The following BMP7 variants were observed in gnomAD, a reference collection of about 807,000 sequenced individuals.
BMP7 encodes bone morphogenetic protein 7, also known as osteogenic protein 1.
In BMP7, 12 loss-of-function variants were observed where a neutral mutation model predicts 41.2. The observed-to-expected ratio is 0.29, with a 90% CI of 0.19 to 0.47. The LOEUF (loss-of-function observed/expected upper bound fraction) is 0.47, where lower values mean the gene tolerates loss of function less well. Among genes scored for constraint, BMP7 ranks in the 20% least tolerant of loss-of-function variants. The probability of loss-of-function intolerance (pLI) is 0.99; values close to 1 mark genes in which losing one functional copy is unlikely to be tolerated. For missense variants in BMP7, 467 were observed against 606.0 expected (o/e 0.77, Z 2.41); for synonymous variants, 248 against 250.0 (o/e 0.99, Z 0.07).
chr20:57,183,634 T>G, intron 4 of BMP7, 88 bp downstream of exon 4: 4 of 1,556,544 alleles, frequency 2.6e-6, no homozygotes, highest in Non-Finnish European at 3.5e-6. Flanking sequence ...AGCACCTGAA[T>G]GGATTTTGAG....
At chr20:57,173,884 C>T (rs1445061369) in intron 5 of BMP7, among the ~76,000 whole-genome samples, 1 of 152,186 alleles carries the variant, frequency 6.6e-6, no homozygotes, top group African/African-American at 2.4e-5. Flanking sequence ...CCCATGCTGG[C>T]TCCGGGTGCA....
intron 2 of BMP7, among the ~76,000 whole-genome samples, chr20:57,219,969 TA>T (rs1985150906): frequency 6.6e-6 from 1 of 152,176 alleles, no homozygotes; most frequent in African/African-American, 2.4e-5. Flanking sequence ...GTGGCTGCCT[TA>T]TTTAGAGACC....
Position 57,265,925 on chromosome 20 carries a change from G to A in BMP7, c.198C>T (p.His66=), listed in dbSNP as rs1384062752. 6.4e-7 allele frequency: 1 copy of A among 1,563,654 alleles called. No homozygotes were observed. Among genetic ancestry groups the A allele is most frequent in the Non-Finnish European group, 8.7e-7 (1 of 1,153,412 alleles). The change falls in exon 1 of 7, where the codon CAC becomes CAT. Residue 66 remains histidine, a synonymous_variant. Coordinates refer to ENST00000395863, the MANE Select transcript of BMP7 (RefSeq NM_001719.3). ...TGCCCTGGAGGTGCGGGCGCGGGCG[G>A]TGGGGCAAGCCCAAAATGGAGAGGA... ...REILSILGLP[H]RPRPHLQGKH... is the part of the protein sequence containing the mutation.
chr20:57,173,410 C>T, intron 5 of BMP7, 100 bp from the exon 6 acceptor site: 3 of 1,176,858 alleles, frequency 2.5e-6, no homozygotes, highest in Non-Finnish European at 3.7e-6. Context: ...GGCTCACGAC[C>T]CAAGGTGGAA....
At chr20:57,245,118 G>A (rs762303809) in intron 1 of BMP7, among the ~76,000 whole-genome samples, 2 of 152,194 alleles carry the variant, frequency 1.3e-5, no homozygotes, top group Non-Finnish European at 2.9e-5. Flanking sequence ...ACAGGAAGGT[G>A]CAGAGACGTA....
chr20:57,241,179 C>G (rs143046597), intron 1 of BMP7, among the ~76,000 whole-genome samples: 26 of 152,322 alleles, frequency 1.7e-4, no homozygotes, highest in Non-Finnish European at 3.5e-4. Flanking sequence ...CATACCAACT[C>G]TCTTCCTCAC....
At chr20:57,229,503 T>C (rs1489886791) in intron 1 of BMP7, among the ~76,000 whole-genome samples, 1 of 152,230 alleles carries the variant, frequency 6.6e-6, no homozygotes, top group Non-Finnish European at 1.5e-5. Flanking sequence ...GGTGGGGACC[T>C]GTGGCTCCTG....
chr20:57,249,117 C>T (rs1036395839), intron 1 of BMP7, among the ~76,000 whole-genome samples: 2 of 151,958 alleles, frequency 1.3e-5, no homozygotes, highest in Non-Finnish European at 2.9e-5. Context: ...TGAACGAGTT[C>T]TAAATGAAAC....
intron 2 of BMP7, among the ~76,000 whole-genome samples, chr20:57,209,247 T>A (rs6064515): frequency 0.35 from 24,023 of 69,160 alleles, 2,960 homozygotes; most frequent in Middle Eastern, 0.45. Context: ...ATTTATATAT[T>A]TTTATATATA....
At chr20:57,243,026 C>A (rs2066075957) in intron 1 of BMP7, among the ~76,000 whole-genome samples, 1 of 152,124 alleles carries the variant, frequency 6.6e-6, no homozygotes, top group African/African-American at 2.4e-5. Context: ...AAAATCTAAA[C>A]AGCTGTATGT....
chr20:57,212,923 C>A (rs1160299795), intron 2 of BMP7, among the ~76,000 whole-genome samples: 1 of 152,248 alleles, frequency 6.6e-6, no homozygotes, highest in Non-Finnish European at 1.5e-5. Context: ...TGCTTTCCTG[C>A]CAAATCATAG....
intron 1 of BMP7, among the ~76,000 whole-genome samples, chr20:57,231,489 G>A (rs2066029276): frequency 6.6e-6 from 1 of 152,174 alleles, no homozygotes; most frequent in Non-Finnish European, 1.5e-5. Flanking sequence ...GGAGAGAGGT[G>A]GAAGAGACCA....
intron 1 of BMP7, among the ~76,000 whole-genome samples, chr20:57,247,956 A>G (rs192157591): frequency 2.6e-5 from 4 of 152,276 alleles, no homozygotes; most frequent in African/African-American, 7.2e-5. Context: ...TTTTCAGCAA[A>G]CAACTGGCTG....
At chr20:57,178,691 C>T (rs1983994569) in intron 4 of BMP7, among the ~76,000 whole-genome samples, 1 of 152,144 alleles carries the variant, frequency 6.6e-6, no homozygotes, top group African/African-American at 2.4e-5. Flanking sequence ...AGCCTCCTCC[C>T]TCTTCCCTGT....
intron 1 of BMP7, among the ~76,000 whole-genome samples, chr20:57,247,778 A>G (rs930481673): frequency 6.6e-6 from 1 of 152,102 alleles, no homozygotes; most frequent in Non-Finnish European, 1.5e-5. Flanking sequence ...TCCTCCACTC[A>G]GGGGAAACAG....
At chr20:57,221,322 C>T (rs1195687728) in intron 2 of BMP7, among the ~76,000 whole-genome samples, 1 of 152,198 alleles carries the variant, frequency 6.6e-6, no homozygotes, top group Non-Finnish European at 1.5e-5. Context: ...GGTCACTGGT[C>T]TCTGCCTCAA....
intron 2 of BMP7, among the ~76,000 whole-genome samples, chr20:57,208,377 C>G (rs1984792082): frequency 6.6e-6 from 1 of 152,160 alleles, no homozygotes; most frequent in African/African-American, 2.4e-5. Context: ...CAAATTGAAA[C>G]CACAGTGAGA....
At chr20:57,210,782 C>T (rs1002344352) in intron 2 of BMP7, among the ~76,000 whole-genome samples, 1 of 152,254 alleles carries the variant, frequency 6.6e-6, no homozygotes, top group Non-Finnish European at 1.5e-5. Flanking sequence ...CAGCCTCCTG[C>T]CCCTGGGCCC....
At chr20:57,235,765 T>C (rs529112947) in intron 1 of BMP7, among the ~76,000 whole-genome samples, 2 of 152,178 alleles carry the variant, frequency 1.3e-5, no homozygotes, top group African/African-American at 4.8e-5. Flanking sequence ...AAATTCCTCA[T>C]TGGGAAAATG....
Sources: gnomAD v4.1 joint callset for allele counts (sites outside exome capture counted in the v4.1 genomes callset) on GRCh38, gnomAD v4.1.1 for gene constraint, MANE v1.5 for transcripts, NCBI Gene and HGNC (gene_info 2026-07-23, HGNC 2026-07-21) for gene names.